The following PLD1 variants were observed in gnomAD, a reference collection of about 807,000 sequenced individuals.
The protein encoded by PLD1 is phospholipase D1.
Under a neutral mutation model 137.1 loss-of-function variants are expected in PLD1, and 112 were observed. That is an observed-to-expected ratio of 0.82 (90% CI 0.70 to 0.96). The LOEUF (loss-of-function observed/expected upper bound fraction) is 0.96, where lower values mean the gene tolerates loss of function less well. PLD1 is among the 40% of genes least tolerant of loss of function. The pLI is 0.00. For missense variants in PLD1, 1,321 were observed against 1,342.0 expected, an observed-to-expected ratio of 0.98 and a Z score of 0.24; for synonymous variants, 431 against 454.7, an observed-to-expected ratio of 0.95 and a Z score of 0.66.
chr3:171,641,818 G>T (rs188226726), intron 23 of PLD1, among the ~76,000 whole-genome samples: 213 of 152,182 alleles, frequency 1.4e-3, no homozygotes, highest in African/African-American at 5.0e-3. Flanking sequence ...AACAGTAAAT[G>T]AATCTTCATA....
chr3:171,737,206 A>G (rs912703190), intron 3 of PLD1, among the ~76,000 whole-genome samples: 4 of 152,266 alleles, frequency 2.6e-5, no homozygotes, highest in Admixed American at 6.5e-5. Flanking sequence ...ATGCATCAAG[A>G]GTCCAAATGA....
intron 21 of PLD1, among the ~76,000 whole-genome samples, chr3:171,649,108 A>G (rs1310650425): frequency 2.0e-5 from 3 of 152,076 alleles, no homozygotes; most frequent in African/African-American, 7.3e-5. Flanking sequence ...GTTCTATTTT[A>G]TCTTTTTTTT....
chr3:171,651,646 C>T (rs1363831922), intron 21 of PLD1, among the ~76,000 whole-genome samples: 1 of 152,130 alleles, frequency 6.6e-6, no homozygotes. Context: ...CATTGGTTAT[C>T]TTTTGAAAAT....
intron 23 of PLD1, among the ~76,000 whole-genome samples, chr3:171,625,976 C>G (rs1402625318): frequency 6.6e-6 from 1 of 152,216 alleles, no homozygotes; most frequent in Non-Finnish European, 1.5e-5. Flanking sequence ...CAGCTCCTCA[C>G]CAGCAACGGA....
intron 8 of PLD1, among the ~76,000 whole-genome samples, chr3:171,714,899 C>T (rs1209388847): frequency 6.6e-6 from 1 of 152,092 alleles, no homozygotes; most frequent in Non-Finnish European, 1.5e-5. Context: ...AAATACCTAA[C>T]CACAAAGGTA....
intron 1 of PLD1, chr3:171,793,529 T>G (rs1723303289): frequency 6.6e-6 from 1 of 152,196 alleles, no homozygotes; most frequent in South Asian, 2.1e-4. Flanking sequence ...AAATTTCAGT[T>G]ACCTGCAGTC....
chr3:171,642,999 A>G (rs1368545843), intron 22 of PLD1, 110 bp from the exon 23 acceptor site: 2 of 677,222 alleles, frequency 3.0e-6, no homozygotes, highest in South Asian at 1.7e-5. Flanking sequence ...AAGTGCTTCT[A>G]TGAGAAGATG....
intron 6 of PLD1, among the ~76,000 whole-genome samples, chr3:171,729,293 C>G (rs909236578): frequency 6.6e-6 from 1 of 152,070 alleles, no homozygotes; most frequent in Non-Finnish European, 1.5e-5. Context: ...GTTCTTGGCA[C>G]TAGGTGGAAA....
At chr3:171,628,745 A>G (rs1281179581) in intron 23 of PLD1, among the ~76,000 whole-genome samples, 1 of 151,980 alleles carries the variant, frequency 6.6e-6, no homozygotes, top group East Asian at 1.9e-4. Context: ...ATATAAACAG[A>G]ACCAAAGACA....
At chr3:171,614,067 C>T (rs1377669014) in intron 24 of PLD1, among the ~76,000 whole-genome samples, 1 of 152,162 alleles carries the variant, frequency 6.6e-6, no homozygotes, top group Non-Finnish European at 1.5e-5. Flanking sequence ...ATGAGAAAAG[C>T]TGCCCTTTCC....
chr3:171,763,299 G>A (rs754823501), intron 1 of PLD1, among the ~76,000 whole-genome samples: 18 of 151,608 alleles, frequency 1.2e-4, no homozygotes, highest in Non-Finnish European at 2.4e-4. Context: ...GCTCACACTT[G>A]TAGTCCTAGC....
chr3:171,659,385 A>C, intron 20 of PLD1, 84 bp from the exon 21 acceptor site: 1 of 930,556 alleles, frequency 1.1e-6, no homozygotes. Context: ...ATATTTTTTA[A>C]AATGTTTCAC....
At chr3:171,792,392 C>T (rs1265980111) in intron 1 of PLD1, 1 of 358,094 alleles carries the variant, frequency 2.8e-6, no homozygotes, top group East Asian at 7.4e-5. Flanking sequence ...GTAGTGGGGG[C>T]TGGGTGGCCC....
At chr3:171,735,735 T>G in intron 3 of PLD1, 98 bp from the exon 4 acceptor site, 2 of 673,422 alleles carry the variant, frequency 3.0e-6, no homozygotes, top group Non-Finnish European at 5.2e-6. Flanking sequence ...AGAAGTATAC[T>G]TAAGTCCAGC....
At chr3:171,718,410 G>A (rs990678479) in intron 8 of PLD1, among the ~76,000 whole-genome samples, 7 of 152,136 alleles carry the variant, frequency 4.6e-5, no homozygotes, top group African/African-American at 9.7e-5. Flanking sequence ...AGCTAGTACC[G>A]TTCCTACTGA....
At chr3:171,712,946 TAAATC>T (rs1717387907) in intron 9 of PLD1, among the ~76,000 whole-genome samples, 2 of 152,216 alleles carry the variant, frequency 1.3e-5, no homozygotes, top group South Asian at 4.1e-4. Context: ...CACAAACATG[TAAATC>T]AGTAAGGGAA....
chr3:171,799,067 G>A (rs1051493086), intron 1 of PLD1, among the ~76,000 whole-genome samples: 2 of 152,142 alleles, frequency 1.3e-5, no homozygotes, highest in South Asian at 2.1e-4. Context: ...CAGGCCAGGC[G>A]CGGTGGCTCA....
At chr3:171,772,666 A>G (rs1176996798) in intron 1 of PLD1, among the ~76,000 whole-genome samples, 1 of 152,188 alleles carries the variant, frequency 6.6e-6, no homozygotes, top group Non-Finnish European at 1.5e-5. Flanking sequence ...AACCAAGCGA[A>G]AGCTGGATGA....
chr3:171,677,329 A>G (rs1713479504), intron 17 of PLD1, among the ~76,000 whole-genome samples: 1 of 152,222 alleles, frequency 6.6e-6, no homozygotes, highest in South Asian at 2.1e-4. Context: ...TATGCCTATA[A>G]AAATCTGGAT....
Sources: allele counts gnomAD v4.1 joint callset (sites outside exome capture counted in the v4.1 genomes callset), GRCh38; gene constraint gnomAD v4.1.1; transcripts MANE v1.5; gene names NCBI Gene and HGNC (gene_info 2026-07-23, HGNC 2026-07-21).